Variants in ABCA1 observed in about 807,000 individuals in gnomAD.
The protein encoded by ABCA1 is ATP binding cassette subfamily A member 1, also known as phospholipid-transporting ATPase ABCA1.
ABCA1 carries 133 observed loss-of-function variants against 262.5 expected under a neutral mutation model. The ratio of observed to expected loss-of-function variants is 0.51; its 90% confidence interval spans 0.44 to 0.59. The LOEUF (loss-of-function observed/expected upper bound fraction) is 0.59. ABCA1 is among the 20% of genes least tolerant of loss of function. The pLI, the probability that ABCA1 is intolerant of heterozygous loss-of-function variation, is 0.00. For missense variants in ABCA1, 2,452 were observed against 2,777.5 expected, an observed-to-expected ratio of 0.88 and a Z score of 2.63; for synonymous variants, 1,022 against 1,043.5, an observed-to-expected ratio of 0.98 and a Z score of 0.40.
At chr9:104,862,468 T>C (rs1190931452) in intron 5 of ABCA1, among the ~76,000 whole-genome samples, 2 of 146,608 alleles carry the variant, frequency 1.4e-5, no homozygotes, top group Non-Finnish European at 3.0e-5. Context: ...GTCCGTTCAT[T>C]CCTGTCTCCC....
chr9:104,798,457 A>G lies in ABCA1; in HGVS notation c.5085T>C (p.Pro1695=). 6.2e-7 allele frequency: 1 copy of G among 1,614,186 alleles called. No homozygotes were observed. Among genetic ancestry groups the G allele is most frequent in the Non-Finnish European group, 8.5e-7 (1 of 1,180,038 alleles). The change falls in exon 37 of 50, where the codon CCT becomes CCC. Residue 1695 remains proline (P), a synonymous_variant. Coordinates refer to ENST00000374736, the MANE Select transcript of ABCA1 (RefSeq NM_005502.4). ...CAAAATTAGAGAGCCAGTAGATGACAGGCTTCACTCCACTGATGAACTGCA... is the reference window on the plus strand; with the variant it reads ...CAAAATTAGAGAGCCAGTAGATGACGGGCTTCACTCCACTGATGAACTGCA... ...KHLQFISGVK[P]VIYWLSNFVW... is the part of the protein sequence containing the mutation.
At chr9:104,859,912 A>G (rs1438877331) in intron 6 of ABCA1, among the ~76,000 whole-genome samples, 4 of 152,028 alleles carry the variant, frequency 2.6e-5, no homozygotes, top group Non-Finnish European at 4.4e-5. Context: ...ACAATTAGCC[A>G]GGTGTGGTGG....
At chr9:104,856,506 G>T (rs1450487149) in intron 7 of ABCA1, among the ~76,000 whole-genome samples, 1 of 152,160 alleles carries the variant, frequency 6.6e-6, no homozygotes, top group African/African-American at 2.4e-5. Context: ...TTCTGAAGGT[G>T]CATTTCCCTG....
rs546226373 is a variant in ABCA1, at chr9:104,886,999, C to T, written c.160+2103G>A. Among the ~76,000 whole-genome samples, 4 of 152,278 alleles carry T rather than the reference C, an allele frequency of 2.6e-5. No homozygotes were observed. In the East Asian group the frequency reaches 5.8e-4, roughly 22 times the overall value. Reference sequence around the variant, plus strand: ...GTTGCAAGAAGTGCATGGATATGGCCGGGCATGGTGGCTCATGCCTGTAAT... The same window carrying T: ...GTTGCAAGAAGTGCATGGATATGGCTGGGCATGGTGGCTCATGCCTGTAAT... On this transcript the variant is annotated intron_variant, in intron 3 of 49. Transcript: ENST00000374736.
intron 1 of ABCA1, among the ~76,000 whole-genome samples, chr9:104,910,588 A>G (rs1841433171): frequency 1.3e-5 from 2 of 152,090 alleles, no homozygotes; most frequent in South Asian, 2.1e-4. Flanking sequence ...ACAAGAGAGT[A>G]TGTGTGTGTG....
chr9:104,836,872 C>A, intron 11 of ABCA1, 108 bp downstream of exon 11: 1 of 892,106 alleles, frequency 1.1e-6, no homozygotes. Flanking sequence ...ATTCCCCCAG[C>A]TAGATAAACT....
At chr9:104,825,592 A>G (rs1832745894) in intron 17 of ABCA1, 91 bp downstream of exon 17, 3 of 1,349,576 alleles carry the variant, frequency 2.2e-6, no homozygotes, top group Non-Finnish European at 2.1e-6. Flanking sequence ...ACCACTTCCC[A>G]GGGAAGCCCA....
intron 5 of ABCA1, among the ~76,000 whole-genome samples, chr9:104,871,607 TGAG>T (rs1210710735): frequency 1.3e-5 from 2 of 151,756 alleles, no homozygotes; most frequent in African/African-American, 4.8e-5. Context: ...CTGAACAGAA[TGAG>T]AAGAAGAAAC....
At chr9:104,848,985 T>C (rs1256101094) in intron 7 of ABCA1, among the ~76,000 whole-genome samples, 1 of 152,136 alleles carries the variant, frequency 6.6e-6, no homozygotes, top group Non-Finnish European at 1.5e-5. Flanking sequence ...CATTCACCCA[T>C]TGTCACCATT....
chr9:104,788,970 T>C (rs933243338), intron 44 of ABCA1, among the ~76,000 whole-genome samples: 2 of 152,184 alleles, frequency 1.3e-5, no homozygotes, highest in African/African-American at 2.4e-5. Flanking sequence ...CCCAGAAATT[T>C]TGAGTGTGAG....
chr9:104,861,067 C>A (rs188549968), intron 6 of ABCA1, among the ~76,000 whole-genome samples: 2 of 152,120 alleles, frequency 1.3e-5, no homozygotes, highest in Non-Finnish European at 2.9e-5. Flanking sequence ...GTGATCTCGT[C>A]CATCCCACCT....
At position 104,809,464 on chromosome 9, in the gene ABCA1, A is replaced by C; in HGVS notation, c.4274+2T>G. The C allele has an allele frequency of 6.2e-7, 1 of 1,614,162 alleles. No homozygotes were observed. The highest frequency in any genetic ancestry group is 8.5e-7 in the Non-Finnish European group (1 of 1,179,978). On this transcript the variant is annotated splice_donor_variant, in intron 30 of 49. Transcript: ENST00000374736. LOFTEE classifies it high-confidence loss of function. Reference sequence around the variant, plus strand: ...CCTGCTTATGGCTAAAGTGGCACTCACGGGATTGGGTTTCCTTCCATACAG... The same window carrying C: ...CCTGCTTATGGCTAAAGTGGCACTCCCGGGATTGGGTTTCCTTCCATACAG...
At chr9:104,868,869 C>T (rs940833286) in intron 5 of ABCA1, among the ~76,000 whole-genome samples, 2 of 152,092 alleles carry the variant, frequency 1.3e-5, no homozygotes, top group African/African-American at 4.8e-5. Flanking sequence ...AGCTGAGGAA[C>T]ACATTTGCAC....
chr9:104,861,919 C>T lies in ABCA1; in HGVS notation c.422-119G>A, dbSNP rs1836432653. On this transcript the variant is annotated intron_variant, in intron 5 of 49. Transcript: ENST00000374736. ...ATATTGATGATCAACAGTTGCCTGG[C>T]TAAACACACACAGGAATGAGATAGG... 8.9e-6 allele frequency: 8 copies of T among 899,588 alleles called. No homozygotes were observed. The South Asian group carries it at 9.1e-5, about 10-fold the overall frequency. The allele number at this position is 899,588 out of a possible 1,614,324, so 55.7% of individuals were successfully genotyped here.
At chr9:104,855,714 A>G in intron 7 of ABCA1, 1 of 1,540,412 alleles carries the variant, frequency 6.5e-7, no homozygotes, top group Non-Finnish European at 8.8e-7. Context: ...GGGACTAAAT[A>G]ATTTATCCGA....
chr9:104,820,136 C>T, intron 20 of ABCA1, 67 bp from the exon 21 acceptor site: 1 of 1,599,578 alleles, frequency 6.3e-7, no homozygotes, highest in Admixed American at 1.7e-5. Flanking sequence ...GTCCCCTGGC[C>T]CAGAACAGAT....
chr9:104,817,203 C>G lies in ABCA1; in HGVS notation c.3535+129G>C. On this transcript the variant is annotated intron_variant, in intron 24 of 49. Transcript: ENST00000374736. The surrounding 1 kb of genome is among the most constrained non-coding windows in gnomAD (Gnocchi z 4.7). ...AAGCTGCTCCCACACCCGCAGCCACCCAGCCCCAGCCCAGCAGCAAACCTT... is the reference window on the plus strand; with the variant it reads ...AAGCTGCTCCCACACCCGCAGCCACGCAGCCCCAGCCCAGCAGCAAACCTT... 1 of 1,577,062 alleles carries G rather than the reference C, an allele frequency of 6.3e-7. No individual in the cohort carries two copies. The highest frequency in any genetic ancestry group is 1.8e-5 in the Admixed American group (1 of 55,026).
At chr9:104,923,137 C>T (rs979747511) in intron 1 of ABCA1, among the ~76,000 whole-genome samples, 1 of 152,138 alleles carries the variant, frequency 6.6e-6, no homozygotes, top group Non-Finnish European at 1.5e-5. Flanking sequence ...TCAAAAGGTC[C>T]ACAACTTCAT....
At position 104,821,541 on chromosome 9, in the gene ABCA1, G is replaced by A. The variant is rs369828669; in HGVS notation, c.2829-35C>T. On this transcript the variant is annotated intron_variant, in intron 19 of 49. Coordinates refer to ENST00000374736, the MANE Select transcript of ABCA1 (RefSeq NM_005502.4). ...AAAATTTAGAAGTACAGAAGTCAGGGTTGACCTACCCTTAACTCTAGATGC... is the reference window on the plus strand; with the variant it reads ...AAAATTTAGAAGTACAGAAGTCAGGATTGACCTACCCTTAACTCTAGATGC... 5.8e-5 allele frequency: 94 copies of A among 1,612,640 alleles called. No homozygotes were observed. The African/African-American group carries it at 1.2e-3, about 21-fold the overall frequency.
Sources: gnomAD v4.1 joint callset for allele counts (sites outside exome capture counted in the v4.1 genomes callset) on GRCh38, gnomAD v4.1.1 for gene constraint, Gnocchi (gnomAD v3.1) non-coding constraint, MANE v1.5 for transcripts, NCBI Gene and HGNC (gene_info 2026-07-23, HGNC 2026-07-21) for gene names.